Variants in RARA observed in about 807,000 individuals in gnomAD.
The protein encoded by RARA is retinoic acid receptor alpha, also known as PML-DDX5-RARA fusion.
In RARA, 5 loss-of-function variants were observed where a neutral mutation model predicts 42.8. That is an observed-to-expected ratio of 0.12 (90% CI 0.06 to 0.25). The LOEUF (loss-of-function observed/expected upper bound fraction) is 0.25, where lower values mean the gene tolerates loss of function less well. RARA is among the 10% of genes least tolerant of loss of function. The pLI is 1.00. For missense variants in RARA, 402 were observed against 628.7 expected (o/e 0.64, Z 3.86); for synonymous variants, 256 against 259.5 (o/e 0.99, Z 0.13).
rs1433691289 is a variant in RARA, at chr17:40,351,504, C to T, written c.470-406C>T. ...GCTCAGAGCCAGTCCCAAGGGACCC[C>T]CAGGGAGACTGCAGCTGGGAGGGCT... On this transcript the variant is annotated intron_variant, in intron 4 of 8. Coordinates refer to ENST00000254066, the MANE Select transcript of RARA (RefSeq NM_000964.4). The surrounding 1 kb of genome is among the most constrained non-coding windows in gnomAD (Gnocchi z 4.1). The T allele has an allele frequency of 2.1e-6, 1 of 474,714 alleles. No individual in the cohort carries two copies. 29.4% of individuals were successfully genotyped at this position (474,714 alleles called of 1,614,324 possible). A position where few individuals can be genotyped will look rare whatever the true frequency, so the allele number is the denominator to read the frequency against.
chr17:40,351,962 C>T lies in RARA; in HGVS notation c.522C>T (p.Cys174=). ...AGAAGGAGGTGCCCAAGCCCGAGTG[C>T]TCTGAGAGCTACACGCTGACGCCGG... ...KKKKEVPKPE[C]SESYTLTPEV... The change falls in exon 5 of 9, where the codon TGC becomes TGT. Residue 174 remains cysteine (C), a synonymous_variant. Coordinates refer to ENST00000254066, the MANE Select transcript of RARA (RefSeq NM_000964.4). This position sits in a 1 kb window ranked among gnomAD's most constrained non-coding sequence, Gnocchi z 4.1. The T allele has an allele frequency of 1.9e-6, 3 of 1,611,638 alleles. No individual in the cohort carries two copies. The highest frequency in any genetic ancestry group is 2.5e-6 in the Non-Finnish European group (3 of 1,179,178).
chr17:40,310,091 G>A lies in RARA; in HGVS notation c.-363+805G>A, dbSNP rs187360656. Among the ~76,000 whole-genome samples, 10 of 152,316 alleles carry A rather than the reference G, an allele frequency of 6.6e-5. No individual in the cohort carries two copies. The East Asian group carries it at 1.9e-3, about 29-fold the overall frequency. Reference sequence around the variant, plus strand: ...TAGGGAAGGGGGTGTGGACCAGATTGAGGAGGTCACCCAGCCTTGCCAGCT... The same window carrying A: ...TAGGGAAGGGGGTGTGGACCAGATTAAGGAGGTCACCCAGCCTTGCCAGCT... On this transcript the variant is annotated intron_variant, in intron 1 of 8. Coordinates refer to ENST00000254066, the MANE Select transcript of RARA (RefSeq NM_000964.4).
At chr17:40,339,319 T>A (rs1471701859) in intron 2 of RARA, among the ~76,000 whole-genome samples, 2 of 152,202 alleles carry the variant, frequency 1.3e-5, no homozygotes, top group Non-Finnish European at 1.5e-5. Context: ...GGGGGCCAGT[T>A]TGGCCTGCAC....
chr17:40,316,566 G>A (rs2033217917), intron 1 of RARA, among the ~76,000 whole-genome samples: 1 of 152,220 alleles, frequency 6.6e-6, no homozygotes. Flanking sequence ...CCTCAAGGAA[G>A]GAAGACAGGT....
At chr17:40,318,759 G>A (rs892321025) in intron 1 of RARA, among the ~76,000 whole-genome samples, 1 of 152,244 alleles carries the variant, frequency 6.6e-6, no homozygotes, top group African/African-American at 2.4e-5. Context: ...TCTCTTTAAT[G>A]ATAAGCAAAA....
At chr17:40,336,348 T>A (rs2033849202) in intron 2 of RARA, among the ~76,000 whole-genome samples, 1 of 152,172 alleles carries the variant, frequency 6.6e-6, no homozygotes, top group African/African-American at 2.4e-5. Flanking sequence ...AGTGCTGGGA[T>A]TACAGGTGTG....
chr17:40,353,228 CAG>C (rs2034509022), intron 6 of RARA, among the ~76,000 whole-genome samples: 2 of 151,538 alleles, frequency 1.3e-5, no homozygotes, highest in South Asian at 2.1e-4. Context: ...ATGCTGAGCT[CAG>C]GGGACTGCCG....
rs2034454401 is a variant in RARA at position 40,351,604 on chromosome 17, G to A, written c.470-306G>A. 4.0e-6 allele frequency: 2 copies of A among 495,644 alleles called. No individual in the cohort carries two copies. The highest frequency in any genetic ancestry group is 3.9e-6 in the Non-Finnish European group (1 of 257,694). The allele number at this position is 495,644 out of a possible 1,614,324, so 30.7% of individuals were successfully genotyped here. ...GCACCTAGGAGGGCACCGTCGCCTG[G>A]AGTGTGAGCTGGAGTAGACGCGTGG... On this transcript the variant is annotated intron_variant, in intron 4 of 8. Transcript: ENST00000254066. The surrounding 1 kb of genome is among the most constrained non-coding windows in gnomAD (Gnocchi z 4.1).
intron 1 of RARA, chr17:40,318,259 G>A (rs1329718076): frequency 6.6e-6 from 1 of 152,310 alleles, no homozygotes; most frequent in Non-Finnish European, 1.5e-5. Context: ...TGGGGCTCCG[G>A]GTAAAGTTTC....
intron 1 of RARA, among the ~76,000 whole-genome samples, chr17:40,315,337 T>C (rs1003849583): frequency 6.6e-6 from 1 of 151,760 alleles, no homozygotes; most frequent in Non-Finnish European, 1.5e-5. Flanking sequence ...TGAGCCACCA[T>C]ACCTGGCCTG....
rs141421360 is a variant in RARA at position 40,335,506 on chromosome 17, A to G, written c.178+4110A>G. Among the ~76,000 whole-genome samples the G allele has an allele frequency of 6.8e-3, 1,040 of 152,098 alleles. 11 individuals are homozygous for G. The highest frequency in any genetic ancestry group is 0.024 in the African/African-American group (1,002 of 41,474). On this transcript the variant is annotated intron_variant, in intron 2 of 8. Coordinates refer to ENST00000254066, the MANE Select transcript of RARA (RefSeq NM_000964.4). ...GGAGTTTGAGACCAGCCTGGCCAACATGGTGAAACCCCATCTCTACTAAAA... is the reference window on the plus strand; with the variant it reads ...GGAGTTTGAGACCAGCCTGGCCAACGTGGTGAAACCCCATCTCTACTAAAA...
Position 40,352,237 on chromosome 17 carries a change from G to T in RARA, c.631-94G>T. The T allele has an allele frequency of 6.6e-7, 1 of 1,505,718 alleles. No homozygotes were observed. The allele number at this position is 1,505,718 out of a possible 1,614,324, so 93.3% of individuals were successfully genotyped here. Reference sequence around the variant, plus strand: ...TCTTCCCAAGGAGCTCCCAGGAAGTGAAGGCTGGGTAGAGGGCAGGCCTGT... The same window carrying T: ...TCTTCCCAAGGAGCTCCCAGGAAGTTAAGGCTGGGTAGAGGGCAGGCCTGT... On this transcript the variant is annotated intron_variant, in intron 5 of 8. Transcript: ENST00000254066. This position sits in a 1 kb window ranked among gnomAD's most constrained non-coding sequence, Gnocchi z 4.9.
At chr17:40,342,806 C>T in intron 2 of RARA, 1 of 1,612,994 alleles carries the variant, frequency 6.2e-7, no homozygotes, top group Non-Finnish European at 8.5e-7. Flanking sequence ...AGAAGGGGCT[C>T]CCCGCCCCGG....
Position 40,356,129 on chromosome 17 carries a change from G to A in RARA, c.1292G>A (p.Gly431Glu). ...CTGAGCGGACAGCCGGGGGGTGGGG[G>A]GCGGGACGGGGGTGGCCTGGCCCCC... ...DTLSGQPGGG[G>E]RDGGGLAPPP... Residue 431 changes from glycine (G) to glutamate (E), a missense_variant, in exon 9 of 9, where the codon GGG becomes GAG. Coordinates refer to ENST00000254066, the MANE Select transcript of RARA (RefSeq NM_000964.4). 1 of 529,750 alleles carries A rather than the reference G, an allele frequency of 1.9e-6. No individual in the cohort carries two copies. Among genetic ancestry groups the A allele is most frequent in the South Asian group, 1.5e-5 (1 of 66,302 alleles). 32.8% of individuals were successfully genotyped at this position (529,750 alleles called of 1,614,324 possible). A position where few individuals can be genotyped will look rare whatever the true frequency, so the allele number is the denominator to read the frequency against.
At chr17:40,314,646 G>A (rs1268922973) in intron 1 of RARA, among the ~76,000 whole-genome samples, 2 of 152,016 alleles carry the variant, frequency 1.3e-5, no homozygotes. Flanking sequence ...TTTGCCAGGG[G>A]GCGCATGTAA....
rs542708465 is a variant in RARA at position 40,351,141 on chromosome 17, CTCCCTT to C, written c.470-768_470-763del. Among the ~76,000 whole-genome samples, 71 of 151,582 alleles carry C rather than the reference CTCCCTT, an allele frequency of 4.7e-4. No homozygotes were observed. The highest frequency in any genetic ancestry group is 1.6e-3 in the African/African-American group (68 of 41,378). Reference sequence around the variant, plus strand: ...TTATCCCCCCACTCTCCCTCTCCCTCTCCCTTCTCTCCCCTGCACTTTATTGAATTT... The same window carrying C: ...TTATCCCCCCACTCTCCCTCTCCCTCCTCTCCCCTGCACTTTATTGAATTT... On this transcript the variant is annotated intron_variant, in intron 4 of 8. Coordinates refer to ENST00000254066, the MANE Select transcript of RARA (RefSeq NM_000964.4). This position sits in a 1 kb window ranked among gnomAD's most constrained non-coding sequence, Gnocchi z 4.1.
At chr17:40,343,836 T>C (rs1057214090) in intron 2 of RARA, among the ~76,000 whole-genome samples, 2 of 152,138 alleles carry the variant, frequency 1.3e-5, no homozygotes, top group African/African-American at 4.8e-5. Flanking sequence ...GGGTGCAGGC[T>C]CCTCTGGGAG....
rs2034220678 is a variant in RARA, at chr17:40,345,253, C to G, written c.179-3063C>G. On this transcript the variant is annotated intron_variant, in intron 2 of 8. Coordinates refer to ENST00000254066, the MANE Select transcript of RARA (RefSeq NM_000964.4). The surrounding 1 kb of genome is among the most constrained non-coding windows in gnomAD (Gnocchi z 4.8). ...TATCAGGCGGCCGCTGGGCTAGGGG[C>G]CTTCTTCCGCTGCCGCGGTACACCC... is the stretch of plus-strand genomic sequence containing the variant. 6.5e-6 allele frequency: 1 copy of G among 153,174 alleles called. No individual in the cohort carries two copies. The highest frequency in any genetic ancestry group is 2.4e-5 in the African/African-American group (1 of 41,460). 9.5% of individuals were successfully genotyped at this position (153,174 alleles called of 1,614,324 possible).
Position 40,348,317 on chromosome 17 carries a change from C to T in RARA, c.180C>T (p.Thr60=), listed in dbSNP as rs2034334492. Residue 60 remains threonine, a splice_region_variant and synonymous_variant, in exon 3 of 9, where the codon ACC becomes ACT. Transcript: ENST00000254066. ...VSGYSTPSPA[T]IETQSSSSEE... ...GCCCCTCCCCTCTTCTCTCTCTAGC[C>T]ATTGAGACCCAGAGCAGCAGTTCTG... 1 of 1,590,908 alleles carries T rather than the reference C, an allele frequency of 6.3e-7. No homozygotes were observed. The highest frequency in any genetic ancestry group is 8.6e-7 in the Non-Finnish European group (1 of 1,168,492).
Sources: allele counts gnomAD v4.1 joint callset (sites outside exome capture counted in the v4.1 genomes callset), GRCh38; gene constraint gnomAD v4.1.1; non-coding constraint Gnocchi (gnomAD v3.1); transcripts MANE v1.5; gene names NCBI Gene and HGNC (gene_info 2026-07-23, HGNC 2026-07-21).